Variants in FAM168A observed in about 807,000 individuals in gnomAD.
FAM168A encodes family with sequence similarity 168 member A.
Under a neutral mutation model 28.5 loss-of-function variants are expected in FAM168A, and 3 were observed. The ratio of observed to expected loss-of-function variants is 0.11; its 90% CI spans 0.05 to 0.27. The LOEUF is 0.27. Among genes scored for constraint, FAM168A ranks in the 10% least tolerant of loss-of-function variants. FAM168A has a pLI of 1.00. For synonymous variants in FAM168A, 122 were observed against 124.2 expected (o/e 0.98, Z 0.12); for missense variants, 222 against 311.5 (o/e 0.71, Z 2.16).
intron 1 of FAM168A, among the ~76,000 whole-genome samples, chr11:73,579,899 A>G (rs931272190): frequency 1.3e-5 from 2 of 152,222 alleles, no homozygotes; most frequent in African/African-American, 2.4e-5. Context: ...AGCAAACTCA[A>G]TAATTTTTCA....
intron 1 of FAM168A, among the ~76,000 whole-genome samples, chr11:73,528,207 C>T (rs1943469894): frequency 6.6e-6 from 1 of 152,160 alleles, no homozygotes; most frequent in Non-Finnish European, 1.5e-5. Context: ...GGCGTTCGAA[C>T]CAGAGCGACT....
At chr11:73,488,923 T>G (rs1424426405) in intron 1 of FAM168A, among the ~76,000 whole-genome samples, 1 of 152,166 alleles carries the variant, frequency 6.6e-6, no homozygotes, top group African/African-American at 2.4e-5. Context: ...GAGTCTTGCT[T>G]TGTCACCTGG....
At chr11:73,504,381 G>A (rs560677231) in intron 1 of FAM168A, among the ~76,000 whole-genome samples, 3 of 152,094 alleles carry the variant, frequency 2.0e-5, no homozygotes, top group Non-Finnish European at 4.4e-5. Context: ...AGACATTTAC[G>A]TGGCCAACAA....
intron 2 of FAM168A, among the ~76,000 whole-genome samples, chr11:73,445,419 C>CTCTTTTTTTTTTT (rs776745757): frequency 1.2e-4 from 6 of 50,458 alleles, no homozygotes; most frequent in African/African-American, 3.6e-4. Context: ...AAAAATGTCT[C>CTCTTTTTTTTTTT]TTTTTTTTTT....
At chr11:73,425,428 A>T (rs964512350) in intron 3 of FAM168A, among the ~76,000 whole-genome samples, 6 of 152,246 alleles carry the variant, frequency 3.9e-5, no homozygotes, top group African/African-American at 1.4e-4. Flanking sequence ...TTCAGAGACA[A>T]TATCACCATC....
At chr11:73,498,893 G>C (rs926597648) in intron 1 of FAM168A, among the ~76,000 whole-genome samples, 11 of 152,166 alleles carry the variant, frequency 7.2e-5, no homozygotes, top group Non-Finnish European at 1.5e-4. Context: ...TAGCGGGGAC[G>C]GGTAGCCATA....
intron 1 of FAM168A, among the ~76,000 whole-genome samples, chr11:73,486,343 C>G (rs1868053228): frequency 6.6e-6 from 1 of 152,166 alleles, no homozygotes; most frequent in Non-Finnish European, 1.5e-5. Flanking sequence ...ACTCTTCATA[C>G]CCATTAAACA....
At chr11:73,525,315 G>A (rs552903879) in intron 1 of FAM168A, among the ~76,000 whole-genome samples, 1 of 152,064 alleles carries the variant, frequency 6.6e-6, no homozygotes, top group East Asian at 1.9e-4. Flanking sequence ...TTTTTAAACT[G>A]GGGAAAGGGA....
At chr11:73,568,967 T>C (rs1944054921) in intron 1 of FAM168A, among the ~76,000 whole-genome samples, 1 of 152,170 alleles carries the variant, frequency 6.6e-6, no homozygotes. Flanking sequence ...AAAAGAAATC[T>C]GACAAGGCAA....
chr11:73,411,984 T>G (rs781106472), intron 4 of FAM168A, among the ~76,000 whole-genome samples: 1 of 152,136 alleles, frequency 6.6e-6, no homozygotes, highest in Non-Finnish European at 1.5e-5. Context: ...TCTGTCTTTC[T>G]CTCTTTTGCT....
At chr11:73,596,733 C>G (rs1000801042) in intron 1 of FAM168A, among the ~76,000 whole-genome samples, 1 of 152,000 alleles carries the variant, frequency 6.6e-6, no homozygotes, top group Non-Finnish European at 1.5e-5. Flanking sequence ...CAACCCAATT[C>G]CCCCCTGCTC....
Position 73,403,115 on chromosome 11 carries a change from A to G in FAM168A, c.*3648T>C, listed in dbSNP as rs1265185015. 6.6e-6 allele frequency: 1 copy of G among 152,212 alleles called. No individual in the cohort carries two copies. 9.4% of individuals were successfully genotyped at this position (152,212 alleles called of 1,614,324 possible). A position where few individuals can be genotyped will look rare whatever the true frequency, so the allele number is the denominator to read the frequency against. ...CAATGTCAAAGTACTTTGCATACCAAAAACGCTCTGGACAGGTGTGTGTGT... is the reference window on the plus strand; with the variant it reads ...CAATGTCAAAGTACTTTGCATACCAGAAACGCTCTGGACAGGTGTGTGTGT... On this transcript the variant is annotated 3_prime_UTR_variant, in exon 8 of 8. Coordinates refer to ENST00000356467, the MANE Select transcript of FAM168A (RefSeq NM_015159.3).
intron 1 of FAM168A, among the ~76,000 whole-genome samples, chr11:73,556,341 T>C (rs868295594): frequency 5.3e-5 from 8 of 151,206 alleles, no homozygotes; most frequent in Admixed American, 4.0e-4. Flanking sequence ...AAAGTGAGAA[T>C]TGTCACTTTT....
intron 1 of FAM168A, among the ~76,000 whole-genome samples, chr11:73,505,913 G>A (rs545886873): frequency 6.6e-6 from 1 of 152,226 alleles, no homozygotes; most frequent in East Asian, 1.9e-4. Flanking sequence ...CAAGATCAAA[G>A]GACCCTTTTC....
intron 1 of FAM168A, among the ~76,000 whole-genome samples, chr11:73,514,357 T>A (rs1276943388): frequency 1.3e-5 from 2 of 152,178 alleles, no homozygotes; most frequent in Admixed American, 1.3e-4. Flanking sequence ...AAAAACTGAA[T>A]CTGGTGCTTG....
In FAM168A at chr11:73,595,323, G is replaced by A. The variant is rs767255676; in HGVS notation, c.-19+2600C>T. On this transcript the variant is annotated intron_variant, in intron 1 of 7. Transcript: ENST00000356467. ...TTTCAATTCAAAGGATAAGTCCAAC[G>A]TTCCATCATTCTGCCCATTTTGGAG... Among the ~76,000 whole-genome samples the A allele has an allele frequency of 4.6e-5, 7 of 151,916 alleles. No homozygotes were observed. The South Asian group carries it at 1.0e-3, about 23-fold the overall frequency.
At chr11:73,447,169 C>G (rs1291494205) in intron 2 of FAM168A, among the ~76,000 whole-genome samples, 2 of 152,126 alleles carry the variant, frequency 1.3e-5, no homozygotes, top group African/African-American at 2.4e-5. Flanking sequence ...TGACCTTCTC[C>G]CCTTCAGACT....
chr11:73,495,809 A>G (rs1440367225), intron 1 of FAM168A, among the ~76,000 whole-genome samples: 1 of 152,232 alleles, frequency 6.6e-6, no homozygotes, highest in African/African-American at 2.4e-5. Context: ...TGGAACCCTT[A>G]TTTAAAATTT....
chr11:73,544,963 A>AT (rs1943718569), intron 1 of FAM168A, among the ~76,000 whole-genome samples: 1 of 92,694 alleles, frequency 1.1e-5, no homozygotes, highest in African/African-American at 5.9e-5. Flanking sequence ...TATTATATAT[A>AT]ATATATATTA....
Sources: gnomAD v4.1 joint callset for allele counts (sites outside exome capture counted in the v4.1 genomes callset) on GRCh38, gnomAD v4.1.1 for gene constraint, MANE v1.5 for transcripts, NCBI Gene and HGNC (gene_info 2026-07-23, HGNC 2026-07-21) for gene names.